The following CUL2 variants were observed in gnomAD, a reference collection of about 807,000 sequenced individuals.
CUL2 encodes cullin-2.
In CUL2, 22 loss-of-function variants were observed where a neutral mutation model predicts 110.2. The ratio of observed to expected loss-of-function variants is 0.20; its 90% CI spans 0.14 to 0.28. CUL2 has a LOEUF of 0.28. Among genes scored for constraint, CUL2 ranks in the 10% least tolerant of loss-of-function variants. The pLI is 1.00. For missense variants in CUL2, 631 were observed against 905.5 expected, an observed-to-expected ratio of 0.70 and a Z score of 3.89; for synonymous variants, 279 against 293.2, an observed-to-expected ratio of 0.95 and a Z score of 0.49.
chr10:35,056,758 C>T (rs1030865786), intron 4 of CUL2, among the ~76,000 whole-genome samples: 2 of 152,234 alleles, frequency 1.3e-5, no homozygotes, highest in African/African-American at 4.8e-5. Context: ...TTTACATATG[C>T]CTTCCAATAC....
At chr10:35,086,188 CAA>C (rs1025342117) in intron 1 of CUL2, among the ~76,000 whole-genome samples, 3 of 133,886 alleles carry the variant, frequency 2.2e-5, no homozygotes, top group Non-Finnish European at 1.6e-5. Context: ...GACTCTGTCT[CAA>C]AAAAAAAAAA....
At chr10:35,111,546 T>C (rs900594881) in intron 1 of CUL2, among the ~76,000 whole-genome samples, 2 of 152,152 alleles carry the variant, frequency 1.3e-5, no homozygotes, top group Non-Finnish European at 2.9e-5. Flanking sequence ...GTGTAAGCCA[T>C]TGCACCCAGC....
At chr10:35,126,334 G>A (rs76947303) in intron 1 of CUL2, among the ~76,000 whole-genome samples, 1 of 152,334 alleles carries the variant, frequency 6.6e-6, no homozygotes, top group East Asian at 1.9e-4. Context: ...AGGAGCTCAA[G>A]CTTCTTTTGG....
upstream of CUL2, among the ~76,000 whole-genome samples, chr10:35,093,180 T>C (rs151064747): frequency 6.8e-3 from 1,037 of 151,962 alleles, 7 homozygotes; most frequent in Middle Eastern, 0.01. Flanking sequence ...CTCACCAAAT[T>C]GTCCATAAAA....
rs1322084165 is a variant in CUL2, at chr10:35,011,884, T to G, written c.2070A>C (p.Ala690=). 6.2e-7 allele frequency: 1 copy of G among 1,613,916 alleles called. No individual in the cohort carries two copies. The highest frequency in any genetic ancestry group is 8.5e-7 in the Non-Finnish European group (1 of 1,179,810). Residue 690 remains alanine, a synonymous_variant, in exon 20 of 21, where the codon GCA becomes GCC. Transcript: ENST00000374749. The stretch of plus-strand genomic sequence containing the variant: ...GGGCATTGTGCCGAAGCACTTTTCG[T>G]GCTTTCATGATACGAACTATAGCAG... The part of the protein sequence containing the change: ...LQAAIVRIMK[A]RKVLRHNALI...
intron 1 of CUL2, among the ~76,000 whole-genome samples, chr10:35,122,203 G>C (rs2087686419): frequency 6.6e-6 from 1 of 152,190 alleles, no homozygotes; most frequent in Non-Finnish European, 1.5e-5. Flanking sequence ...GAAACGGCCT[G>C]CATAGAAATG....
At chr10:35,084,772 GTCCTCATAATATTA>G (rs1369630916) in intron 1 of CUL2, among the ~76,000 whole-genome samples, 1 of 152,090 alleles carries the variant, frequency 6.6e-6, no homozygotes, top group Non-Finnish European at 1.5e-5. Flanking sequence ...CCAGTCATAA[GTCCTCATAATATTA>G]AGATTCTAGG....
At chr10:35,068,099 G>A (rs2134969924) in intron 2 of CUL2, among the ~76,000 whole-genome samples, 1 of 134,836 alleles carries the variant, frequency 7.4e-6, no homozygotes, top group East Asian at 2.2e-4. Context: ...GACAGAGCGA[G>A]ACTCCGTCTC....
In CUL2 at chr10:35,012,087, T is replaced by C. The variant is rs887918082; in HGVS notation, c.1990-123A>G. The C allele has an allele frequency of 9.0e-5, 54 of 602,124 alleles. No homozygotes were observed. In the African/African-American group the frequency reaches 9.3e-4, roughly 10 times the overall value. 37.3% of individuals were successfully genotyped at this position (602,124 alleles called of 1,614,324 possible). A position where few individuals can be genotyped will look rare whatever the true frequency, so the allele number is the denominator to read the frequency against. On this transcript the variant is annotated intron_variant, in intron 19 of 20. Coordinates refer to ENST00000374749, the MANE Select transcript of CUL2 (RefSeq NM_003591.4). ...TTTTTTTTTTGAGACAGGGTTTCAC[T>C]CTGTCGTCCTGGCTGGAGTTCAGTG...
intron 8 of CUL2, among the ~76,000 whole-genome samples, chr10:35,040,252 C>T (rs897746027): frequency 3.3e-5 from 5 of 152,194 alleles, no homozygotes; most frequent in Admixed American, 3.3e-4. Flanking sequence ...GTTTATCCTA[C>T]ATAAAGCGCT....
At chr10:35,020,114 C>A (rs1257096735) in intron 17 of CUL2, among the ~76,000 whole-genome samples, 1 of 151,878 alleles carries the variant, frequency 6.6e-6, no homozygotes, top group East Asian at 1.9e-4. Flanking sequence ...ATAATCAAAC[C>A]TTTAGAACTA....
intron 2 of CUL2, among the ~76,000 whole-genome samples, chr10:35,065,883 C>T (rs2086508103): frequency 6.6e-6 from 1 of 152,028 alleles, no homozygotes; most frequent in Admixed American, 6.6e-5. Context: ...CACAAAATAA[C>T]TAGGTCAGAT....
Position 35,071,331 on chromosome 10 carries a change from T to C in CUL2, c.-14A>G. 6.2e-7 allele frequency: 1 copy of C among 1,605,490 alleles called. No homozygotes were observed. The highest frequency in any genetic ancestry group is 1.7e-5 in the Admixed American group (1 of 58,548). On this transcript the variant is annotated 5_prime_UTR_variant, in exon 2 of 21. Coordinates refer to ENST00000374749, the MANE Select transcript of CUL2 (RefSeq NM_003591.4). Reference sequence around the variant, plus strand: ...TTTCAAAGACATTGTGCAAGTGTAGTGTTGAAATCTGTCAATTAAAAAACA... The same window carrying C: ...TTTCAAAGACATTGTGCAAGTGTAGCGTTGAAATCTGTCAATTAAAAAACA...
At chr10:35,111,781 C>G (rs891087719) in intron 1 of CUL2, among the ~76,000 whole-genome samples, 6 of 152,064 alleles carry the variant, frequency 3.9e-5, no homozygotes, top group African/African-American at 7.2e-5. Flanking sequence ...TCCCAGCTAC[C>G]AGGGAGGCTG....
intron 2 of CUL2, among the ~76,000 whole-genome samples, chr10:35,063,676 A>G (rs1464469413): frequency 6.6e-6 from 1 of 152,012 alleles, no homozygotes; most frequent in Non-Finnish European, 1.5e-5. Flanking sequence ...GGAAAGAAGT[A>G]AGACCTGAGA....
chr10:35,088,386 T>C lies in CUL2; in HGVS notation c.-23+1793A>G, dbSNP rs909050119. ...AGCTGGGCGTGGTGACGTGCGCCTG[T>C]AGTGCCAGCTACTCAGGAGGCTGAG... On this transcript the variant is annotated intron_variant, in intron 1 of 20. Coordinates refer to ENST00000374749, the MANE Select transcript of CUL2 (RefSeq NM_003591.4). Among the ~76,000 whole-genome samples the C allele has an allele frequency of 2.0e-5, 3 of 149,206 alleles. No individual in the cohort carries two copies. In the East Asian group the frequency reaches 6.0e-4, roughly 30 times the overall value.
chr10:35,121,882 C>T (rs557704156), intron 1 of CUL2, among the ~76,000 whole-genome samples: 15 of 151,838 alleles, frequency 9.9e-5, no homozygotes, highest in Non-Finnish European at 2.2e-4. Flanking sequence ...AATTCAGGAG[C>T]TTGGGTTTTT....
At chr10:35,048,523 T>C (rs1333002428) in intron 6 of CUL2, among the ~76,000 whole-genome samples, 4 of 152,240 alleles carry the variant, frequency 2.6e-5, no homozygotes, top group Non-Finnish European at 5.9e-5. Flanking sequence ...TACTTTTAAA[T>C]ACTTGAATTC....
At position 35,010,457 on chromosome 10, in the gene CUL2, T is replaced by C; in HGVS notation, c.2107-15A>G. The C allele has an allele frequency of 6.3e-7, 1 of 1,593,764 alleles. No individual in the cohort carries two copies. The highest frequency in any genetic ancestry group is 8.6e-7 in the Non-Finnish European group (1 of 1,169,396). Reference sequence around the variant, plus strand: ...TGGCTAATCACCTGTGGAAGAGATGTGGAAGTCAAACTACTGCCAGTTCTT... The same window carrying C: ...TGGCTAATCACCTGTGGAAGAGATGCGGAAGTCAAACTACTGCCAGTTCTT... On this transcript the variant is annotated splice_polypyrimidine_tract_variant and intron_variant, in intron 20 of 20. Coordinates refer to ENST00000374749, the MANE Select transcript of CUL2 (RefSeq NM_003591.4).
Sources: gnomAD v4.1 joint callset for allele counts (sites outside exome capture counted in the v4.1 genomes callset) on GRCh38, gnomAD v4.1.1 for gene constraint, MANE v1.5 for transcripts, NCBI Gene and HGNC (gene_info 2026-07-23, HGNC 2026-07-21) for gene names.